FILIP1L: variants seen among roughly 807,000 people sequenced by gnomAD.
FILIP1L encodes the protein filamin A interacting protein 1 like.
A neutral mutation model predicts 96.6 loss-of-function variants in FILIP1L; 55 were observed. The observed-to-expected ratio is 0.57, with a 90% confidence interval of 0.46 to 0.71. The LOEUF (loss-of-function observed/expected upper bound fraction) is 0.71, where lower values mean the gene tolerates loss of function less well. Ranked by LOEUF, FILIP1L falls within the 30% of genes least tolerant of loss-of-function variation. The probability of loss-of-function intolerance (pLI) is 0.00; values close to 1 mark genes in which losing one functional copy is unlikely to be tolerated. For synonymous variants in FILIP1L, 467 were observed against 473.9 expected, an observed-to-expected ratio of 0.99 and a Z score of 0.19; for missense variants, 1,304 against 1,321.2, an observed-to-expected ratio of 0.99 and a Z score of 0.20.
At chr3:100,084,867 G>T (rs1361356746) in intron 1 of FILIP1L, among the ~76,000 whole-genome samples, 1 of 152,202 alleles carries the variant, frequency 6.6e-6, no homozygotes, top group East Asian at 1.9e-4. Context: ...TCCCCAATCA[G>T]TCCCAGCCTT....
At chr3:99,862,220 T>C (rs1444367014) in intron 4 of FILIP1L, among the ~76,000 whole-genome samples, 1 of 152,048 alleles carries the variant, frequency 6.6e-6, no homozygotes, top group African/African-American at 2.4e-5. Context: ...ATTTAAAAAA[T>C]CAAATCAAAT....
chr3:100,040,375 A>G (rs753481719), intron 1 of FILIP1L: 5 of 152,210 alleles, frequency 3.3e-5, no homozygotes, highest in Non-Finnish European at 7.3e-5. Flanking sequence ...TCTCTCCCCG[A>G]GAATCATTTG....
At chr3:99,892,101 C>G (rs1251819829) in intron 4 of FILIP1L, among the ~76,000 whole-genome samples, 1 of 152,188 alleles carries the variant, frequency 6.6e-6, no homozygotes, top group Non-Finnish European at 1.5e-5. Flanking sequence ...TACCAAACCT[C>G]TGTGAGAAAT....
At position 100,102,868 on chromosome 3, in the gene FILIP1L, G is replaced by T. The variant is rs144401643; in HGVS notation, c.-11+11185C>A. Reference sequence around the variant, plus strand: ...ATAGGAGAGAGGTTTTCTGTTTAGGGAATGTTGCTAAGCCCTGTCATCAAA... The same window carrying T: ...ATAGGAGAGAGGTTTTCTGTTTAGGTAATGTTGCTAAGCCCTGTCATCAAA... On this transcript the variant is annotated intron_variant, in intron 1 of 5. Transcript: ENST00000477258. Among the ~76,000 whole-genome samples the T allele has an allele frequency of 4.6e-3, 706 of 152,312 alleles. 2 individuals carry two copies. Among genetic ancestry groups the T allele is most frequent in the South Asian group, 7.1e-3 (34 of 4,822 alleles).
intron 1 of FILIP1L, among the ~76,000 whole-genome samples, chr3:99,998,771 G>A (rs1387683994): frequency 1.3e-5 from 2 of 152,098 alleles, no homozygotes; most frequent in Non-Finnish European, 2.9e-5. Context: ...GGGTTTCACC[G>A]TATTAGCCAG....
intron 1 of FILIP1L, among the ~76,000 whole-genome samples, chr3:100,101,841 A>G (rs1442544458): frequency 6.6e-6 from 1 of 151,948 alleles, no homozygotes; most frequent in African/African-American, 2.4e-5. Context: ...TCATTGTTCA[A>G]TTCCCACCTA....
chr3:99,879,464 A>G (rs1429149215), intron 4 of FILIP1L, among the ~76,000 whole-genome samples: 2 of 152,256 alleles, frequency 1.3e-5, no homozygotes, highest in African/African-American at 4.8e-5. Context: ...ATATACTGCT[A>G]ATCACATCAA....
intron 3 of FILIP1L, among the ~76,000 whole-genome samples, chr3:99,927,902 T>C (rs1433896235): frequency 6.6e-6 from 1 of 152,182 alleles, no homozygotes; most frequent in Non-Finnish European, 1.5e-5. Context: ...CTTAAGTCAG[T>C]GTTCCTGTCG....
chr3:100,073,701 C>T (rs1464316438), intron 1 of FILIP1L, among the ~76,000 whole-genome samples: 2 of 152,300 alleles, frequency 1.3e-5, no homozygotes, highest in Non-Finnish European at 2.9e-5. Flanking sequence ...ACTGGTCTGT[C>T]TTCTAACATG....
At chr3:99,906,249 CGTT>C (rs1311435545) in intron 4 of FILIP1L, among the ~76,000 whole-genome samples, 2 of 152,126 alleles carry the variant, frequency 1.3e-5, no homozygotes, top group African/African-American at 2.4e-5. Flanking sequence ...AGTACTCCCT[CGTT>C]GTAAATTTAA....
At chr3:99,950,797 G>C (rs1576595588) in intron 1 of FILIP1L, among the ~76,000 whole-genome samples, 1 of 152,040 alleles carries the variant, frequency 6.6e-6, no homozygotes, top group African/African-American at 2.4e-5. Context: ...GGAGACTTAG[G>C]TAAATATTCA....
chr3:99,941,061 C>G (rs560006251), intron 1 of FILIP1L, among the ~76,000 whole-genome samples: 37 of 152,350 alleles, frequency 2.4e-4, no homozygotes, highest in African/African-American at 8.2e-4. Context: ...TAACTTCTTG[C>G]CTCTGAAGCA....
intron 1 of FILIP1L, among the ~76,000 whole-genome samples, chr3:99,973,629 G>T (rs1236816720): frequency 6.6e-6 from 1 of 152,138 alleles, no homozygotes; most frequent in Non-Finnish European, 1.5e-5. Context: ...CTATAGGTAA[G>T]TAAATAGATT....
chr3:100,069,509 T>C (rs192537188), intron 1 of FILIP1L, among the ~76,000 whole-genome samples: 31 of 152,184 alleles, frequency 2.0e-4, no homozygotes, highest in Admixed American at 7.2e-4. Flanking sequence ...TCTCCTCTGA[T>C]AGTGGTGTTT....
intron 1 of FILIP1L, among the ~76,000 whole-genome samples, chr3:100,085,338 T>C (rs1398813055): frequency 6.6e-6 from 1 of 152,222 alleles, no homozygotes; most frequent in Non-Finnish European, 1.5e-5. Context: ...TCCCTTCTCC[T>C]TAAGGAATTC....
At chr3:99,876,904 A>G (rs968032825) in intron 4 of FILIP1L, among the ~76,000 whole-genome samples, 10 of 152,222 alleles carry the variant, frequency 6.6e-5, no homozygotes, top group Admixed American at 1.3e-4. Flanking sequence ...TTTGTGCTGT[A>G]CTTTCAAGAC....
At chr3:99,945,400 G>A (rs960806019) in intron 1 of FILIP1L, among the ~76,000 whole-genome samples, 1 of 152,266 alleles carries the variant, frequency 6.6e-6, no homozygotes, top group African/African-American at 2.4e-5. Context: ...TGAGCTTGGG[G>A]GTTCCACCCA....
At chr3:100,025,376 C>T (rs2064899563) in intron 1 of FILIP1L, 1 of 152,146 alleles carries the variant, frequency 6.6e-6, no homozygotes, top group African/African-American at 2.4e-5. Context: ...CTAATACCAA[C>T]TTGGGAAGAT....
chr3:99,921,052 A>G (rs559664785), intron 4 of FILIP1L, among the ~76,000 whole-genome samples: 7 of 152,034 alleles, frequency 4.6e-5, no homozygotes, highest in Non-Finnish European at 8.8e-5. Context: ...GAGGGTTGCT[A>G]GTTTGGGAGT....
Sources: allele counts gnomAD v4.1 joint callset (sites outside exome capture counted in the v4.1 genomes callset), GRCh38; gene constraint gnomAD v4.1.1; transcripts MANE v1.5; gene names NCBI Gene and HGNC (gene_info 2026-07-23, HGNC 2026-07-21).